CRIPT: variants seen among roughly 807,000 people sequenced by gnomAD.
The protein encoded by CRIPT is cysteine-rich PDZ-binding protein.
In CRIPT, 20 loss-of-function variants were observed where a neutral mutation model predicts 16.6. That is an observed-to-expected ratio of 1.20 (90% CI 0.85 to 1.75). The LOEUF (loss-of-function observed/expected upper bound fraction) is 1.75. CRIPT is among the 40% of genes most tolerant of loss of function. The probability of loss-of-function intolerance (pLI) is 0.00; values close to 1 mark genes in which losing one functional copy is unlikely to be tolerated. For missense variants in CRIPT, 133 were observed against 115.3 expected, an observed-to-expected ratio of 1.15 and a Z score of -0.70; for synonymous variants, 42 against 37.0, an observed-to-expected ratio of 1.14 and a Z score of -0.49.
In CRIPT at chr2:46,626,611, A is replaced by G. The variant is rs772495053; in HGVS notation, c.*2384A>G. 6.6e-5 allele frequency among the ~76,000 whole-genome samples: 10 copies of G among 152,146 alleles called. No individual in the cohort carries two copies. The highest frequency in any genetic ancestry group is 1.0e-4 in the Non-Finnish European group (7 of 68,020). ...AGTGTTGAAGCATTCCGTTTTTCCC[A>G]CAGCCTCACCAGCATCTGTTATTTT... On this transcript the variant is annotated 3_prime_UTR_variant, in exon 5 of 5. Coordinates refer to ENST00000238892, the MANE Select transcript of CRIPT (RefSeq NM_014171.6).
chr2:46,619,902 C>G (rs1024644896), intron 3 of CRIPT, among the ~76,000 whole-genome samples: 3 of 152,140 alleles, frequency 2.0e-5, no homozygotes, highest in Non-Finnish European at 4.4e-5. Flanking sequence ...CTTACAGTTT[C>G]ACCAGAAAAC....
chr2:46,618,677 C>T, intron 1 of CRIPT, 96 bp from the exon 2 acceptor site: 1 of 694,666 alleles, frequency 1.4e-6, no homozygotes, highest in Non-Finnish European at 2.4e-6. Context: ...ACGGTAATAC[C>T]ATTGATAGTC....
In CRIPT at chr2:46,624,999, T is replaced by TTA. The variant is rs1553429175; in HGVS notation, c.*772_*773insTA. On this transcript the variant is annotated 3_prime_UTR_variant, in exon 5 of 5. Transcript: ENST00000238892. The stretch of plus-strand genomic sequence containing the variant: ...AACCAAACTTTTTTTTTTTTTTTTT[T>TTA]ACCTCCTGTCTTGCCCCCTAAAAGA... 2 of 150,968 alleles carry TTA rather than the reference T, an allele frequency of 1.3e-5. No individual in the cohort carries two copies. Among genetic ancestry groups the TTA allele is most frequent in the Admixed American group, 6.6e-5 (1 of 15,192 alleles). The allele number at this position is 150,968 out of a possible 1,614,324, so 9.4% of individuals were successfully genotyped here.
intron 4 of CRIPT, 45 bp from the exon 5 acceptor site, chr2:46,624,117 AG>A: frequency 7.3e-7 from 1 of 1,363,530 alleles, no homozygotes; most frequent in Non-Finnish European, 1.0e-6. Context: ...TAAACCAAAC[AG>A]TTGGTATTAT....
chr2:46,620,105 A>T (rs564841191), intron 3 of CRIPT, among the ~76,000 whole-genome samples: 27 of 152,288 alleles, frequency 1.8e-4, no homozygotes, highest in African/African-American at 6.5e-4. Context: ...TTGCGTAAAA[A>T]GTGTCCCATC....
In CRIPT at chr2:46,628,215, A is replaced by G. The variant is rs1325700106; in HGVS notation, c.*3988A>G. ...AACCTCTGCCTCCTGAGTTCAAGCA[A>G]TTCTCCTGCCTCAGCCTCCCAAATA... On this transcript the variant is annotated 3_prime_UTR_variant, in exon 5 of 5. Coordinates refer to ENST00000238892, the MANE Select transcript of CRIPT (RefSeq NM_014171.6). Among the ~76,000 whole-genome samples, 1 of 151,882 alleles carries G rather than the reference A, an allele frequency of 6.6e-6. No individual in the cohort carries two copies. Among genetic ancestry groups the G allele is most frequent in the East Asian group, 1.9e-4 (1 of 5,166 alleles).
At position 46,629,322 on chromosome 2, in the gene CRIPT, C is replaced by T. The variant is rs770134900; in HGVS notation, c.*5095C>T. Among the ~76,000 whole-genome samples, 79 of 152,208 alleles carry T rather than the reference C, an allele frequency of 5.2e-4. No individual in the cohort carries two copies. Among genetic ancestry groups the T allele is most frequent in the Non-Finnish European group, 2.6e-4 (18 of 68,040 alleles). ...TCATACTCTTTACCCTTTAACACTA[C>T]ACATGCACTTCATAAGAACAAGCAT... On this transcript the variant is annotated 3_prime_UTR_variant, in exon 5 of 5. Transcript: ENST00000238892.
chr2:46,627,749 A>G lies in CRIPT; in HGVS notation c.*3522A>G, dbSNP rs1042909713. On this transcript the variant is annotated 3_prime_UTR_variant, in exon 5 of 5. Coordinates refer to ENST00000238892, the MANE Select transcript of CRIPT (RefSeq NM_014171.6). The stretch of plus-strand genomic sequence containing the variant: ...CATGAGCCACTGCACCCGGCCCCTT[A>G]TATTTAAATCTTTAATCTATCTTGA... Among the ~76,000 whole-genome samples the G allele has an allele frequency of 6.6e-6, 1 of 151,954 alleles. No homozygotes were observed. Among genetic ancestry groups the G allele is most frequent in the African/African-American group, 2.4e-5 (1 of 41,356 alleles).
rs1185414176 is a variant in CRIPT, at chr2:46,625,095, C to G, written c.*868C>G. 1 of 114,148 alleles carries G rather than the reference C, an allele frequency of 8.8e-6. No individual in the cohort carries two copies. Among genetic ancestry groups the G allele is most frequent in the South Asian group, 2.9e-4 (1 of 3,422 alleles). 7.1% of individuals were successfully genotyped at this position (114,148 alleles called of 1,614,324 possible). ...TGTTTTTTTTTTTTTTTTTTGGATACAAGAGCTCACTCTGTTGCCCAGGGT... is the reference window on the plus strand; with the variant it reads ...TGTTTTTTTTTTTTTTTTTTGGATAGAAGAGCTCACTCTGTTGCCCAGGGT... On this transcript the variant is annotated 3_prime_UTR_variant, in exon 5 of 5. Coordinates refer to ENST00000238892, the MANE Select transcript of CRIPT (RefSeq NM_014171.6).
intron 3 of CRIPT, among the ~76,000 whole-genome samples, chr2:46,622,442 A>G (rs1365139686): frequency 6.6e-6 from 1 of 152,224 alleles, no homozygotes. Context: ...TTAAGAAAAA[A>G]TAGCCTCTGG....
intron 3 of CRIPT, among the ~76,000 whole-genome samples, chr2:46,623,241 A>G (rs1489175669): frequency 6.6e-6 from 1 of 152,196 alleles, no homozygotes; most frequent in African/African-American, 2.4e-5. Context: ...GCTTTACATG[A>G]TTGTCGTCAC....
rs538571005 is a variant in CRIPT at position 46,629,005 on chromosome 2, A to G, written c.*4778A>G. Among the ~76,000 whole-genome samples, 2 of 152,228 alleles carry G rather than the reference A, an allele frequency of 1.3e-5. No individual in the cohort carries two copies. Among genetic ancestry groups the G allele is most frequent in the African/African-American group, 2.4e-5 (1 of 41,458 alleles). On this transcript the variant is annotated 3_prime_UTR_variant, in exon 5 of 5. Transcript: ENST00000238892. ...AAGATATCAGATTGTAATATAAAAG[A>G]TACTAGAAACAAATGCCAATAGAAC... is the stretch of plus-strand genomic sequence containing the variant.
At chr2:46,618,664 C>T (rs1015009210) in intron 1 of CRIPT, 109 bp from the exon 2 acceptor site, 1 of 603,780 alleles carries the variant, frequency 1.7e-6, no homozygotes, top group Non-Finnish European at 2.9e-6. Flanking sequence ...TTAACAGGCT[C>T]CTACGGTAAT....
rs1189763398 is a variant in CRIPT, at chr2:46,628,999, TAA to T, written c.*4775_*4776del. Among the ~76,000 whole-genome samples, 1 of 152,200 alleles carries T rather than the reference TAA, an allele frequency of 6.6e-6. No homozygotes were observed. The highest frequency in any genetic ancestry group is 2.4e-5 in the African/African-American group (1 of 41,454). On this transcript the variant is annotated 3_prime_UTR_variant, in exon 5 of 5. Coordinates refer to ENST00000238892, the MANE Select transcript of CRIPT (RefSeq NM_014171.6). ...TCTGTTAAGATATCAGATTGTAATA[TAA>T]AAGATACTAGAAACAAATGCCAATA... is the stretch of plus-strand genomic sequence containing the variant.
chr2:46,617,255 G>C lies in CRIPT; in HGVS notation c.-28G>C, dbSNP rs111261981. ...TCAGCCTGCTGCTGCTGCTGCTGTT[G>C]CGGCTAGGGGAACCGTCGTGGGGAA... On this transcript the variant is annotated 5_prime_UTR_variant, in exon 1 of 5. Transcript: ENST00000238892. 1.9e-6 allele frequency: 3 copies of C among 1,553,864 alleles called. No homozygotes were observed. The highest frequency in any genetic ancestry group is 2.0e-5 in the Admixed American group (1 of 51,048).
rs1327377508 is a variant in CRIPT, at chr2:46,625,486, C to T, written c.*1259C>T. 9 of 149,000 alleles carry T rather than the reference C, an allele frequency of 6.0e-5. No individual in the cohort carries two copies. The highest frequency in any genetic ancestry group is 2.0e-4 in the African/African-American group (8 of 40,230). The allele number at this position is 149,000 out of a possible 1,614,324, so 9.2% of individuals were successfully genotyped here. On this transcript the variant is annotated 3_prime_UTR_variant, in exon 5 of 5. Coordinates refer to ENST00000238892, the MANE Select transcript of CRIPT (RefSeq NM_014171.6). ...TCTGCTTTTAAAACCTGCAGCCTAC[C>T]GTGGGAAACCAAAAAAGCATTCCCT... is the stretch of plus-strand genomic sequence containing the variant.
intron 1 of CRIPT, 116 bp downstream of exon 1, chr2:46,617,414 C>A (rs1670689060): frequency 4.3e-6 from 5 of 1,175,922 alleles, no homozygotes; most frequent in Non-Finnish European, 6.0e-6. Context: ...AGATTCTATC[C>A]GCTGTCTTTC....
chr2:46,629,600 G>A lies in CRIPT; in HGVS notation c.*5373G>A, dbSNP rs1671022620. On this transcript the variant is annotated 3_prime_UTR_variant, in exon 5 of 5. Transcript: ENST00000238892. ...AAGGATAGAGTATCCTTCTATTTGG[G>A]TTTTTCTGATGTTTCCTCATGGTTA... 1.3e-5 allele frequency among the ~76,000 whole-genome samples: 2 copies of A among 152,072 alleles called. No individual in the cohort carries two copies. Among genetic ancestry groups the A allele is most frequent in the South Asian group, 4.2e-4 (2 of 4,818 alleles).
intron 3 of CRIPT, among the ~76,000 whole-genome samples, chr2:46,620,736 T>TTATA (rs1039434415): frequency 2.7e-5 from 4 of 147,756 alleles, no homozygotes; most frequent in Non-Finnish European, 6.0e-5. Context: ...TATAATATTA[T>TTATA]TATATATATA....
Sources: gnomAD v4.1 joint callset for allele counts (sites outside exome capture counted in the v4.1 genomes callset) on GRCh38, gnomAD v4.1.1 for gene constraint, MANE v1.5 for transcripts, NCBI Gene and HGNC (gene_info 2026-07-23, HGNC 2026-07-21) for gene names.